Variants in SELENOI observed in about 807,000 individuals in gnomAD.
SELENOI encodes the protein ethanolaminephosphotransferase 1.
SELENOI carries 24 observed loss-of-function variants against 50.7 expected under a neutral mutation model. That is an observed-to-expected ratio of 0.47 (90% confidence interval 0.34 to 0.67). SELENOI has a LOEUF of 0.67. Among genes scored for constraint, SELENOI ranks in the 30% least tolerant of loss-of-function variants. SELENOI has a pLI of 0.01. For synonymous variants in SELENOI, 155 were observed against 170.2 expected, an observed-to-expected ratio of 0.91 and a Z score of 0.70; for missense variants, 352 against 461.4, an observed-to-expected ratio of 0.76 and a Z score of 2.17.
intron 1 of SELENOI, among the ~76,000 whole-genome samples, chr2:26,359,282 C>G (rs1045940545): frequency 6.6e-6 from 1 of 152,068 alleles, no homozygotes; most frequent in Admixed American, 6.5e-5. Flanking sequence ...AGTATAGGAA[C>G]AGATGATGAA....
chr2:26,370,225 C>T (rs1455974316), intron 4 of SELENOI, among the ~76,000 whole-genome samples: 1 of 151,938 alleles, frequency 6.6e-6, no homozygotes, highest in Non-Finnish European at 1.5e-5. Context: ...TTTCTAAGTA[C>T]AGAACAAAAT....
chr2:26,378,806 C>G (rs982658263), intron 6 of SELENOI, among the ~76,000 whole-genome samples: 5 of 152,176 alleles, frequency 3.3e-5, no homozygotes, highest in Admixed American at 6.5e-5. Context: ...TTAACAGATG[C>G]CTTCCTTCCT....
Position 26,385,076 on chromosome 2 carries a change from T to C in SELENOI, c.849T>C (p.Asp283=). ...STAWILWSPS[D]ILELHPRVFY... ...CGTGGATCCTTTGGTCACCTTCAGA[T>C]ATTTTAGAGCTACATCCTAGAGTAT... Residue 283 remains aspartate, a synonymous_variant, in exon 8 of 10, where the codon GAT becomes GAC. Transcript: ENST00000260585. The C allele has an allele frequency of 6.2e-7, 1 of 1,613,014 alleles. No homozygotes were observed. The highest frequency in any genetic ancestry group is 8.5e-7 in the Non-Finnish European group (1 of 1,179,370).
rs1222856881 is a variant in SELENOI at position 26,389,441 on chromosome 2, T to C, written c.*338T>C. The C allele has an allele frequency of 5.5e-6, 1 of 183,100 alleles. No individual in the cohort carries two copies. Among genetic ancestry groups the C allele is most frequent in the Non-Finnish European group, 1.2e-5 (1 of 86,510 alleles). 11.3% of individuals were successfully genotyped at this position (183,100 alleles called of 1,614,324 possible). A position where few individuals can be genotyped will look rare whatever the true frequency, so the allele number is the denominator to read the frequency against. Reference sequence around the variant, plus strand: ...TTTATTTTTTAAGTACCAAAATTGGTTTCAGAACACTGATAACACTCAGAA... The same window carrying C: ...TTTATTTTTTAAGTACCAAAATTGGCTTCAGAACACTGATAACACTCAGAA... On this transcript the variant is annotated 3_prime_UTR_variant, in exon 10 of 10. Transcript: ENST00000260585.
At position 26,392,728 on chromosome 2, in the gene SELENOI, AT is replaced by A. The variant is rs1385765646; in HGVS notation, c.*3626del. On this transcript the variant is annotated 3_prime_UTR_variant, in exon 10 of 10. Transcript: ENST00000260585. ...CAAACAGCCAAAAACAGATACAGAA[AT>A]CTTTGGTTGTGTGGATGCCTGTGTT... 2.0e-5 allele frequency: 3 copies of A among 152,234 alleles called. No homozygotes were observed. The highest frequency in any genetic ancestry group is 4.4e-5 in the Non-Finnish European group (3 of 68,050). The allele number at this position is 152,234 out of a possible 1,614,324, so 9.4% of individuals were successfully genotyped here.
intron 1 of SELENOI, among the ~76,000 whole-genome samples, chr2:26,351,764 G>C (rs1249932952): frequency 6.6e-6 from 1 of 152,216 alleles, no homozygotes; most frequent in Non-Finnish European, 1.5e-5. Flanking sequence ...GTTGGCATCA[G>C]AATCACTTCG....
rs1677917476 is a variant in SELENOI, at chr2:26,389,526, C to T, written c.*423C>T. 1 of 155,582 alleles carries T rather than the reference C, an allele frequency of 6.4e-6. No homozygotes were observed. The highest frequency in any genetic ancestry group is 2.0e-4 in the South Asian group (1 of 5,062). The allele number at this position is 155,582 out of a possible 1,614,324, so 9.6% of individuals were successfully genotyped here. A position where few individuals can be genotyped will look rare whatever the true frequency, so the allele number is the denominator to read the frequency against. ...ATAGCGGGAGTAGCAGTAGTCCAAA[C>T]CTAGTATAGGGAAAGGATAAAAATA... On this transcript the variant is annotated 3_prime_UTR_variant, in exon 10 of 10. Transcript: ENST00000260585.
Position 26,349,369 on chromosome 2 carries a change from C to T in SELENOI, c.57+3080C>T, listed in dbSNP as rs112322839. ...TCGCCCAGGCTGGAGTGCAGTGGCG[C>T]GATCTCAGCTCACTGCAGCCTCCGC... On this transcript the variant is annotated intron_variant, in intron 1 of 9. Transcript: ENST00000260585. Among the ~76,000 whole-genome samples the T allele has an allele frequency of 7.5e-3, 1,121 of 149,186 alleles. 15 individuals carry two copies. Among genetic ancestry groups the T allele is most frequent in the African/African-American group, 0.026 (1,053 of 40,202 alleles).
chr2:26,347,499 A>G (rs183910990), intron 1 of SELENOI, among the ~76,000 whole-genome samples: 20 of 152,078 alleles, frequency 1.3e-4, no homozygotes, highest in South Asian at 2.1e-4. Context: ...TTCAAGCCGT[A>G]TTGTGCCATA....
chr2:26,375,252 C>T, intron 6 of SELENOI, 104 bp downstream of exon 6: 1 of 684,004 alleles, frequency 1.5e-6, no homozygotes, highest in Non-Finnish European at 2.5e-6. Flanking sequence ...CACAAAACCT[C>T]CAGGAAGCAG....
At position 26,351,059 on chromosome 2, in the gene SELENOI, T is replaced by G. The variant is rs943140924; in HGVS notation, c.57+4770T>G. On this transcript the variant is annotated intron_variant, in intron 1 of 9. Coordinates refer to ENST00000260585, the MANE Select transcript of SELENOI (RefSeq NM_033505.4). ...TTGGTTGTTCACTGTTTGTTTGTTT[T>G]TTTTTTTTTTTTTTTTTGAGACGGA... Among the ~76,000 whole-genome samples the G allele has an allele frequency of 7.0e-3, 972 of 139,796 alleles. 2 individuals carry two copies. Among genetic ancestry groups the G allele is most frequent in the Non-Finnish European group, 0.011 (729 of 64,724 alleles). The allele number at this position is 139,796 out of a possible 152,430, so 91.7% of individuals were successfully genotyped here. A position where few individuals can be genotyped will look rare whatever the true frequency, so the allele number is the denominator to read the frequency against.
At chr2:26,382,339 CAT>C (rs1350951614) in intron 6 of SELENOI, among the ~76,000 whole-genome samples, 1 of 152,096 alleles carries the variant, frequency 6.6e-6, no homozygotes, top group Non-Finnish European at 1.5e-5. Flanking sequence ...CTAGCGGAAA[CAT>C]AGGGAGAATG....
intron 1 of SELENOI, among the ~76,000 whole-genome samples, chr2:26,352,019 T>C (rs1046280932): frequency 6.6e-6 from 1 of 152,034 alleles, no homozygotes; most frequent in African/African-American, 2.4e-5. Flanking sequence ...CGCATACCTG[T>C]GTCCCAGCTA....
intron 6 of SELENOI, among the ~76,000 whole-genome samples, chr2:26,382,959 C>A (rs1677739098): frequency 2.0e-5 from 3 of 152,168 alleles, no homozygotes; most frequent in Admixed American, 1.3e-4. Context: ...AACTCATTCA[C>A]TTCTCAAAGC....
chr2:26,356,267 C>T (rs1677063486), intron 1 of SELENOI, among the ~76,000 whole-genome samples: 1 of 152,154 alleles, frequency 6.6e-6, no homozygotes, highest in Non-Finnish European at 1.5e-5. Flanking sequence ...AGGTGATCCT[C>T]CCACTTCAGC....
chr2:26,372,400 C>G (rs2147955285), intron 4 of SELENOI, among the ~76,000 whole-genome samples: 1 of 152,272 alleles, frequency 6.6e-6, no homozygotes, highest in South Asian at 2.1e-4. Flanking sequence ...CGTGAGCCAC[C>G]ACACCCGGCC....
intron 6 of SELENOI, among the ~76,000 whole-genome samples, chr2:26,378,511 C>T (rs1677615829): frequency 1.3e-5 from 2 of 152,220 alleles, no homozygotes; most frequent in Admixed American, 1.3e-4. Context: ...CTCTCTTCTA[C>T]AATATCCCCC....
Position 26,364,837 on chromosome 2 carries a change from T to A in SELENOI, c.132T>A (p.Phe44Leu). Reference protein sequence around the residue: ...HPFWNTIVKVFPTWLAPNLIT... With the variant: ...HPFWNTIVKVLPTWLAPNLIT... ...TAATTATTTTGCAAAAATAGGTATT[T>A]CCTACTTGGCTGGCGCCCAATCTGA... The change falls in exon 3 of 10, where the codon TTT becomes TTA. Residue 44 changes from phenylalanine (F) to leucine (L), a missense_variant. Transcript: ENST00000260585. 1 of 1,604,784 alleles carries A rather than the reference T, an allele frequency of 6.2e-7. No homozygotes were observed. The highest frequency in any genetic ancestry group is 8.5e-7 in the Non-Finnish European group (1 of 1,176,898).
intron 4 of SELENOI, among the ~76,000 whole-genome samples, chr2:26,369,635 C>T (rs1290498683): frequency 6.6e-6 from 1 of 152,220 alleles, no homozygotes; most frequent in Non-Finnish European, 1.5e-5. Context: ...TTCATACCGT[C>T]AGGTGCCTCT....
Sources: allele counts gnomAD v4.1 joint callset (sites outside exome capture counted in the v4.1 genomes callset), GRCh38; gene constraint gnomAD v4.1.1; transcripts MANE v1.5; gene names NCBI Gene and HGNC (gene_info 2026-07-23, HGNC 2026-07-21).